PTOV1: variants seen among roughly 807,000 people sequenced by gnomAD.
PTOV1 encodes the protein prostate tumor-overexpressed gene 1 protein.
A neutral mutation model predicts 58.0 loss-of-function variants in PTOV1; 20 were observed. That is an observed-to-expected ratio of 0.34 (90% CI 0.24 to 0.50). PTOV1 has a LOEUF of 0.50. Ranked by LOEUF, PTOV1 falls within the 20% of genes least tolerant of loss-of-function variation. The pLI is 0.98. For synonymous variants in PTOV1, 335 were observed against 234.2 expected (o/e 1.43, Z -3.93); for missense variants, 593 against 565.4 (o/e 1.05, Z -0.50).
chr19:49,855,805 G>A (rs925685415), intron 5 of PTOV1, among the ~76,000 whole-genome samples: 17 of 152,100 alleles, frequency 1.1e-4, no homozygotes, highest in African/African-American at 3.1e-4. Context: ...TGTGTAAAGC[G>A]CTTGAGATGG....
In PTOV1 at chr19:49,858,267, G is replaced by C. The variant is rs2074570775; in HGVS notation, c.936+153G>C. 6 of 1,071,510 alleles carry C rather than the reference G, an allele frequency of 5.6e-6. No individual in the cohort carries two copies. In the Admixed American group the frequency reaches 1.2e-4, roughly 22 times the overall value. The allele number at this position is 1,071,510 out of a possible 1,614,324, so 66.4% of individuals were successfully genotyped here. A position where few individuals can be genotyped will look rare whatever the true frequency, so the allele number is the denominator to read the frequency against. On this transcript the variant is annotated intron_variant, in intron 9 of 11. Transcript: ENST00000391842. ...GCAGGTGTGGTGGGTAGCTCCTCAG[G>C]CTTGGCTTCAAGGGGTCCCAGGCAG...
intron 1 of PTOV1, chr19:49,852,812 C>G (rs2074304544): frequency 6.6e-6 from 1 of 152,210 alleles, no homozygotes; most frequent in Non-Finnish European, 1.5e-5. Context: ...TATATGCGGA[C>G]TAGATACCTC....
chr19:49,855,804 C>T (rs543216482), intron 5 of PTOV1, among the ~76,000 whole-genome samples: 4 of 152,126 alleles, frequency 2.6e-5, no homozygotes, highest in South Asian at 2.1e-4. Context: ...TTGTGTAAAG[C>T]GCTTGAGATG....
At chr19:49,859,786 C>CT (rs1342125745) in intron 10 of PTOV1, 200 bp from the exon 11 acceptor site, 1 of 614,836 alleles carries the variant, frequency 1.6e-6, no homozygotes, top group Non-Finnish European at 2.9e-6. Context: ...CCGACAGAGC[C>CT]TGTTGGCCTT....
upstream of PTOV1, chr19:49,850,892 C>T (rs1293099026): frequency 2.0e-6 from 3 of 1,535,792 alleles, no homozygotes; most frequent in East Asian, 4.9e-5. Flanking sequence ...TGAGGTCTCC[C>T]GCCGTCCCGA....
At chr19:49,850,935 G>T, upstream of PTOV1, 1 of 1,535,790 alleles carries the variant, frequency 6.5e-7, no homozygotes, top group Non-Finnish European at 8.7e-7. Flanking sequence ...TGTCGCCTTC[G>T]TTCTTCTGCC....
At chr19:49,850,752 G>C (rs914822648), upstream of PTOV1, 1 of 1,150,344 alleles carries the variant, frequency 8.7e-7, no homozygotes, top group Non-Finnish European at 1.2e-6. Flanking sequence ...TCAGGCTCGG[G>C]TGCAATCCGT....
chr19:49,857,178 C>A, intron 6 of PTOV1, 48 bp downstream of exon 6: 8 of 1,607,038 alleles, frequency 5.0e-6, no homozygotes, highest in Middle Eastern at 3.4e-4. Flanking sequence ...GGGATTAGAC[C>A]CCACTGCCCT....
rs367547539 is a variant in PTOV1 at position 49,857,690 on chromosome 19, C to T, written c.715-3C>T. The T allele has an allele frequency of 1.9e-6, 3 of 1,613,702 alleles. No homozygotes were observed. Among genetic ancestry groups the T allele is most frequent in the Non-Finnish European group, 2.5e-6 (3 of 1,179,842 alleles). Reference sequence around the variant, plus strand: ...CTCTTCCCACCCCGTTCCCTTCCAACAGGCAGTGGGACCTGGTGGTGTCAA... The same window carrying T: ...CTCTTCCCACCCCGTTCCCTTCCAATAGGCAGTGGGACCTGGTGGTGTCAA... On this transcript the variant is annotated splice_region_variant and splice_polypyrimidine_tract_variant and intron_variant, in intron 6 of 11. Coordinates refer to ENST00000391842, the Ensembl canonical transcript of PTOV1.
chr19:49,851,818 C>G, intron 1 of PTOV1: 4 of 1,012,980 alleles, frequency 3.9e-6, no homozygotes, highest in Non-Finnish European at 4.7e-6. Flanking sequence ...GCTTGTTTTT[C>G]CTATTGGAGA....
chr19:49,860,657 C>CAGCA, exon 12 of PTOV1: 1 of 417,002 alleles, frequency 2.4e-6, no homozygotes, highest in East Asian at 4.1e-5. Flanking sequence ...TTCAACTGCC[C>CAGCA]AGCAACATGG....
intron 5 of PTOV1, chr19:49,856,053 T>C (rs148121307): frequency 6.6e-6 from 1 of 152,280 alleles, no homozygotes; most frequent in Admixed American, 6.5e-5. Context: ...CAGCTGCCGT[T>C]GAGCGCCCTG....
exon 6 of PTOV1, chr19:49,857,006 C>T (rs746201627): frequency 1.2e-6 from 2 of 1,613,738 alleles, no homozygotes; most frequent in East Asian, 2.2e-5. Context: ...CACATCTCCC[C>T]CTGTGAGGTG....
At chr19:49,857,974 T>A in exon 8 of PTOV1, 1 of 1,613,340 alleles carries the variant, frequency 6.2e-7, no homozygotes, top group Non-Finnish European at 8.5e-7. Context: ...CAGGGGGAGA[T>A]CCTGTGAGTG....
chr19:49,858,819 C>T (rs2074602547), intron 10 of PTOV1, 166 bp downstream of exon 10: 1 of 615,420 alleles, frequency 1.6e-6, no homozygotes, highest in African/African-American at 1.8e-5. Context: ...GTGCTGTCCC[C>T]ACGGCACTGG....
chr19:49,856,931 G>GC, intron 5 of PTOV1, 44 bp from the exon 6 acceptor site: 1 of 1,606,916 alleles, frequency 6.2e-7, no homozygotes, highest in Non-Finnish European at 8.5e-7. Context: ...GGGCACAGTG[G>GC]CCCCGGGCAG....
exon 1 of PTOV1, chr19:49,851,307 G>A (rs1406094330): frequency 8.2e-5 from 83 of 1,016,228 alleles, no homozygotes; most frequent in Middle Eastern, 9.2e-4. Flanking sequence ...GCAGCTCCCC[G>A]CCCGCTCGGC....
At chr19:49,851,235 G>A (rs892156338) in exon 1 of PTOV1, 2 of 1,138,224 alleles carry the variant, frequency 1.8e-6, no homozygotes, top group Non-Finnish European at 2.2e-6. Context: ...CTCCCCCGAA[G>A]CCGCGCGCCC....
exon 11 of PTOV1, chr19:49,860,123 C>T (rs1182085983): frequency 3.7e-5 from 60 of 1,614,102 alleles, no homozygotes; most frequent in Non-Finnish European, 4.7e-5. Flanking sequence ...TCCGGCGTGT[C>T]ATTGCCAACC....
Sources: allele counts gnomAD v4.1 joint callset (sites outside exome capture counted in the v4.1 genomes callset), GRCh38; gene constraint gnomAD v4.1.1; transcripts MANE v1.5; gene names NCBI Gene and HGNC (gene_info 2026-07-23, HGNC 2026-07-21).